The following PASD1 variants were observed in gnomAD, a reference collection of about 807,000 sequenced individuals.
PASD1 encodes the protein PAS domain containing repressor 1, also known as circadian clock protein PASD1.
In PASD1, 13 loss-of-function variants were observed where a neutral mutation model predicts 58.8. The observed-to-expected ratio is 0.22, with a 90% CI of 0.14 to 0.35. PASD1 has a LOEUF of 0.35. PASD1 is among the 10% of genes least tolerant of loss of function. The probability of loss-of-function intolerance (pLI) is 1.00; values close to 1 mark genes in which losing one functional copy is unlikely to be tolerated. For synonymous variants in PASD1, 236 were observed against 216.7 expected, an observed-to-expected ratio of 1.09 and a Z score of -0.78; for missense variants, 734 against 568.3, an observed-to-expected ratio of 1.29 and a Z score of -2.96.
At chrX:151,614,398 G>T (rs1488702057) in intron 4 of PASD1, among the ~76,000 whole-genome samples, 1 of 110,821 alleles carries the variant, frequency 9.0e-6, no homozygotes, top group Non-Finnish European at 1.9e-5. Flanking sequence ...AAATTTTTGG[G>T]GGACATAAAC....
intron 9 of PASD1, among the ~76,000 whole-genome samples, chrX:151,656,390 A>G (rs12393364): frequency 0.022 from 2,478 of 111,772 alleles, 68 homozygotes; most frequent in African/African-American, 0.076. Flanking sequence ...AATTCTGTGA[A>G]GAAAGTCATT....
At chrX:151,570,689 G>A (rs1373175883) in intron 1 of PASD1, among the ~76,000 whole-genome samples, 1 of 112,261 alleles carries the variant, frequency 8.9e-6, no homozygotes, top group Non-Finnish European at 1.9e-5. Flanking sequence ...TAAATGCCCA[G>A]CATGCCGCCA....
chrX:151,569,001 C>T (rs1012269471), intron 1 of PASD1, among the ~76,000 whole-genome samples: 10 of 111,186 alleles, frequency 9.0e-5, no homozygotes, highest in African/African-American at 3.3e-4. Flanking sequence ...GGGACTAGAT[C>T]CCAAGAATTC....
intron 1 of PASD1, among the ~76,000 whole-genome samples, chrX:151,569,906 T>C (rs1236011195): frequency 9.0e-6 from 1 of 111,444 alleles, no homozygotes; most frequent in Non-Finnish European, 1.9e-5. Flanking sequence ...GCTCATACAT[T>C]GTCAACCTTT....
chrX:151,676,496 A>G lies in PASD1; in HGVS notation c.*353A>G, dbSNP rs1208721654. On this transcript the variant is annotated 3_prime_UTR_variant, in exon 16 of 16. Coordinates refer to ENST00000370357, the MANE Select transcript of PASD1 (RefSeq NM_173493.3). ...GCTCAAAGTTTTCAACATAAAGAAT[A>G]AAGAAAAAAAAATGCCAAAGTGCTT... 6.3e-6 allele frequency: 1 copy of G among 157,503 alleles called. No homozygotes were observed. Among genetic ancestry groups the G allele is most frequent in the Non-Finnish European group, 1.2e-5 (1 of 82,071 alleles). 13.0% of individuals were successfully genotyped at this position (157,503 alleles called of 1,213,427 possible).
intron 15 of PASD1, 28 bp downstream of exon 15, chrX:151,674,214 C>A: frequency 8.3e-7 from 1 of 1,207,814 alleles, no homozygotes; most frequent in Non-Finnish European, 1.1e-6. Context: ...CCTTTTCCTT[C>A]CAGCGCAGGT....
chrX:151,670,479 G>A (rs773461526), intron 11 of PASD1, among the ~76,000 whole-genome samples: 1 of 112,032 alleles, frequency 8.9e-6, no homozygotes, highest in African/African-American at 3.2e-5. Flanking sequence ...CTTCTTTCCA[G>A]ATGTGAAGCT....
intron 1 of PASD1, among the ~76,000 whole-genome samples, chrX:151,566,652 G>A (rs1021641507): frequency 4.5e-5 from 5 of 112,053 alleles, no homozygotes; most frequent in African/African-American, 1.6e-4. Flanking sequence ...TCAGATTTCA[G>A]ATTTTGGAAT....
chrX:151,590,081 C>A (rs1242307946), intron 1 of PASD1, among the ~76,000 whole-genome samples: 2 of 111,686 alleles, frequency 1.8e-5, no homozygotes, highest in African/African-American at 3.3e-5. Context: ...ATGAGATATT[C>A]CATGAAATAA....
intron 1 of PASD1, among the ~76,000 whole-genome samples, chrX:151,568,016 C>T (rs1429862187): frequency 2.7e-5 from 3 of 112,238 alleles, no homozygotes; most frequent in Admixed American, 9.4e-5. Flanking sequence ...TGAGCCACCA[C>T]GCCCGAACAA....
intron 2 of PASD1, among the ~76,000 whole-genome samples, chrX:151,604,315 C>T (rs763104327): frequency 9.0e-6 from 1 of 111,554 alleles, no homozygotes; most frequent in South Asian, 3.8e-4. Flanking sequence ...CCTTGACTTA[C>T]CTGGCAGATT....
In PASD1 at chrX:151,659,729, C is replaced by T; in HGVS notation, c.734C>T (p.Ala245Val). 8.3e-7 allele frequency: 1 copy of T among 1,202,695 alleles called. No homozygotes were observed. Among genetic ancestry groups the T allele is most frequent in the Non-Finnish European group, 1.1e-6 (1 of 888,588 alleles). The change falls in exon 10 of 16, where the codon GCA (alanine) becomes GTA (valine). Residue 245 changes from alanine to valine, a missense_variant. Ala to Val is a moderately conservative substitution (Grantham distance 64). Coordinates refer to ENST00000370357, the MANE Select transcript of PASD1 (RefSeq NM_173493.3). ...AATGTACAGGACCAAATTGATATTG[C>T]AGAGGTTGAGCAGTATGGACCACAA... ...AAISDDQIDIAEVEQYGPQEN... is the reference protein window; with the variant it reads ...AAISDDQIDIVEVEQYGPQEN...
At chrX:151,600,546 T>A (rs2013402166) in intron 1 of PASD1, among the ~76,000 whole-genome samples, 1 of 110,756 alleles carries the variant, frequency 9.0e-6, no homozygotes, top group Admixed American at 9.6e-5. Flanking sequence ...AAGCTTCCTG[T>A]TTTCTTCTTT....
At chrX:151,661,313 A>G (rs779107428) in intron 10 of PASD1, among the ~76,000 whole-genome samples, 27 of 112,172 alleles carry the variant, frequency 2.4e-4, no homozygotes, top group Non-Finnish European at 4.1e-4. Context: ...AACTCATGCT[A>G]TGATTAAAGG....
chrX:151,666,854 T>C (rs1412228919), intron 11 of PASD1, among the ~76,000 whole-genome samples: 2 of 106,121 alleles, frequency 1.9e-5, no homozygotes, highest in Non-Finnish European at 3.8e-5. Flanking sequence ...TCCGTGTGCA[T>C]GTGTCTTTAT....
intron 9 of PASD1, among the ~76,000 whole-genome samples, chrX:151,655,372 A>G (rs1425871511): frequency 1.8e-5 from 2 of 110,131 alleles, no homozygotes; most frequent in African/African-American, 6.5e-5. Context: ...TATACCCAGT[A>G]ATGGGATGGC....
intron 1 of PASD1, among the ~76,000 whole-genome samples, chrX:151,564,675 C>T (rs1215983630): frequency 9.4e-6 from 1 of 106,634 alleles, no homozygotes; most frequent in Non-Finnish European, 1.9e-5. Flanking sequence ...GAGTTTGAGA[C>T]CAGCTAGGGC....
In PASD1 at chrX:151,625,526, C is replaced by G; in HGVS notation, c.625C>G (p.Leu209Val). 2 of 1,188,753 alleles carry G rather than the reference C, an allele frequency of 1.7e-6. No individual in the cohort carries two copies. Among genetic ancestry groups the G allele is most frequent in the Non-Finnish European group, 2.3e-6 (2 of 876,521 alleles). The stretch of plus-strand genomic sequence containing the variant: ...AGATGAGGAACCTTTTGTGGGAGAG[C>G]TCAGGTGAGAGGTAGTATTGATAAA... ...DSDEEPFVGE[L>V]SSSQGQRGHT... Residue 209 changes from leucine to valine, a missense_variant, in exon 8 of 16, where the codon CTC (leucine) becomes GTC (valine). By Grantham distance (32) the Leu-to-Val change is conservative. Coordinates refer to ENST00000370357, the MANE Select transcript of PASD1 (RefSeq NM_173493.3).
intron 1 of PASD1, among the ~76,000 whole-genome samples, chrX:151,576,880 T>C (rs1342395346): frequency 8.9e-6 from 1 of 112,558 alleles, no homozygotes; most frequent in Non-Finnish European, 1.9e-5. Flanking sequence ...ATAAATGTAA[T>C]TTGATACTTC....
Sources: gnomAD v4.1 joint callset for allele counts (sites outside exome capture counted in the v4.1 genomes callset) on GRCh38, gnomAD v4.1.1 for gene constraint, MANE v1.5 for transcripts, NCBI Gene and HGNC (gene_info 2026-07-23, HGNC 2026-07-21) for gene names.